MAP3K20: variants seen among roughly 807,000 people sequenced by gnomAD.
MAP3K20 encodes mitogen-activated protein kinase kinase kinase 20.
MAP3K20 carries 40 observed loss-of-function variants against 85.7 expected under a neutral mutation model. The observed-to-expected ratio is 0.47, with a 90% confidence interval of 0.36 to 0.61. The LOEUF is 0.61. MAP3K20 is among the 20% of genes least tolerant of loss of function. The pLI is 0.00. For missense variants in MAP3K20, 817 were observed against 961.7 expected, an observed-to-expected ratio of 0.85 and a Z score of 1.99; for synonymous variants, 325 against 327.7, an observed-to-expected ratio of 0.99 and a Z score of 0.09.
chr2:173,227,743 A>C (rs2106327833), intron 11 of MAP3K20, among the ~76,000 whole-genome samples: 1 of 152,358 alleles, frequency 6.6e-6, no homozygotes, highest in South Asian at 2.1e-4. Flanking sequence ...ACATTTAGGA[A>C]TTTTATAAAA....
At chr2:173,126,948 G>A (rs1688462855) in intron 2 of MAP3K20, among the ~76,000 whole-genome samples, 1 of 152,152 alleles carries the variant, frequency 6.6e-6, no homozygotes, top group South Asian at 2.1e-4. Context: ...TTCTGTGCTG[G>A]CCATGTGGTT....
intron 2 of MAP3K20, among the ~76,000 whole-genome samples, chr2:173,096,800 CTTACAGT>C (rs1374598376): frequency 6.6e-6 from 1 of 152,156 alleles, no homozygotes; most frequent in East Asian, 1.9e-4. Flanking sequence ...TGCAGATTTA[CTTACAGT>C]GTACTATTTA....
At chr2:173,158,082 G>A (rs890210388) in intron 2 of MAP3K20, among the ~76,000 whole-genome samples, 3 of 152,072 alleles carry the variant, frequency 2.0e-5, no homozygotes, top group Non-Finnish European at 4.4e-5. Context: ...TTGTACCCTC[G>A]GGCAAGTTTT....
intron 16 of MAP3K20, among the ~76,000 whole-genome samples, chr2:173,255,134 C>G (rs1574161721): frequency 6.6e-6 from 1 of 152,346 alleles, no homozygotes; most frequent in East Asian, 1.9e-4. Flanking sequence ...TAAAAGGTCT[C>G]TAACCCTATT....
intron 16 of MAP3K20, among the ~76,000 whole-genome samples, chr2:173,255,135 T>G (rs2106350858): frequency 6.6e-6 from 1 of 152,390 alleles, no homozygotes; most frequent in Non-Finnish European, 1.5e-5. Context: ...AAAAGGTCTC[T>G]AACCCTATTA....
At chr2:173,245,848 C>T (rs1314847548) in intron 16 of MAP3K20, among the ~76,000 whole-genome samples, 1 of 152,176 alleles carries the variant, frequency 6.6e-6, no homozygotes, top group Non-Finnish European at 1.5e-5. Context: ...AGAAGAATCG[C>T]TTAAACCCAG....
intron 2 of MAP3K20, among the ~76,000 whole-genome samples, chr2:173,160,677 A>G (rs374664678): frequency 2.0e-5 from 3 of 152,186 alleles, no homozygotes; most frequent in African/African-American, 2.4e-5. Context: ...AGATTTGTAA[A>G]TACTGTTTTA....
At chr2:173,094,290 T>C (rs1687394346) in intron 2 of MAP3K20, among the ~76,000 whole-genome samples, 2 of 152,214 alleles carry the variant, frequency 1.3e-5, no homozygotes, top group South Asian at 4.1e-4. Context: ...TTCATATATA[T>C]TGTATGATTT....
At chr2:173,150,816 C>T (rs1286440207) in intron 2 of MAP3K20, among the ~76,000 whole-genome samples, 1 of 152,134 alleles carries the variant, frequency 6.6e-6, no homozygotes. Flanking sequence ...CCCGCCTTGA[C>T]CTCCCAAAGT....
chr2:173,231,760 C>T (rs1452903774), intron 12 of MAP3K20, among the ~76,000 whole-genome samples: 3 of 152,214 alleles, frequency 2.0e-5, no homozygotes, highest in African/African-American at 4.8e-5. Context: ...GCTGGGGCCA[C>T]GTGGCTACTT....
intron 2 of MAP3K20, among the ~76,000 whole-genome samples, chr2:173,125,562 C>T (rs1463516581): frequency 1.3e-5 from 2 of 151,826 alleles, no homozygotes; most frequent in East Asian, 1.9e-4. Flanking sequence ...CATTTCTTGT[C>T]AAACACTAAA....
At chr2:173,134,388 CTATACATATATA>C (rs1688716007) in intron 2 of MAP3K20, among the ~76,000 whole-genome samples, 1 of 43,432 alleles carries the variant, frequency 2.3e-5, no homozygotes, top group Non-Finnish European at 4.1e-5. Flanking sequence ...GTGTGTGTCT[CTATACATATATA>C]TATATATATA....
At chr2:173,129,307 T>C (rs541758766) in intron 2 of MAP3K20, among the ~76,000 whole-genome samples, 2 of 152,316 alleles carry the variant, frequency 1.3e-5, no homozygotes, top group East Asian at 3.9e-4. Context: ...GTATTTACTA[T>C]GCTAAGCTCT....
chr2:173,254,761 T>C (rs1453123606), intron 16 of MAP3K20, among the ~76,000 whole-genome samples: 1 of 152,216 alleles, frequency 6.6e-6, no homozygotes, highest in Non-Finnish European at 1.5e-5. Flanking sequence ...GGCAAAAACA[T>C]TAAGGATACC....
At chr2:173,107,510 C>A (rs779289013) in intron 2 of MAP3K20, among the ~76,000 whole-genome samples, 2 of 152,114 alleles carry the variant, frequency 1.3e-5, no homozygotes, top group Non-Finnish European at 2.9e-5. Flanking sequence ...AGAGCCTAGT[C>A]CTGGAGTATT....
At chr2:173,215,318 T>A (rs1684039621) in intron 10 of MAP3K20, among the ~76,000 whole-genome samples, 1 of 152,216 alleles carries the variant, frequency 6.6e-6, no homozygotes, top group African/African-American at 2.4e-5. Context: ...CCTCACTGAC[T>A]GAAGATGGCT....
chr2:173,188,432 G>A (rs1690554201), intron 5 of MAP3K20, among the ~76,000 whole-genome samples: 2 of 152,172 alleles, frequency 1.3e-5, no homozygotes, highest in African/African-American at 4.8e-5. Flanking sequence ...CTCCTTCTCA[G>A]TAAGGAGGAA....
At chr2:173,218,702 C>T (rs1346805929) in intron 11 of MAP3K20, among the ~76,000 whole-genome samples, 1 of 152,226 alleles carries the variant, frequency 6.6e-6, no homozygotes, top group Non-Finnish European at 1.5e-5. Flanking sequence ...CATGGCTTGA[C>T]TCTTTCTAAA....
intron 2 of MAP3K20, among the ~76,000 whole-genome samples, chr2:173,111,334 G>A (rs1315442381): frequency 6.6e-6 from 1 of 152,170 alleles, no homozygotes; most frequent in Non-Finnish European, 1.5e-5. Flanking sequence ...TCCTTTGTGA[G>A]ATGTATAGAT....
Sources: gnomAD v4.1 joint callset for allele counts (sites outside exome capture counted in the v4.1 genomes callset) on GRCh38, gnomAD v4.1.1 for gene constraint, MANE v1.5 for transcripts, NCBI Gene and HGNC (gene_info 2026-07-23, HGNC 2026-07-21) for gene names.